The following CNTN5 variants were observed in gnomAD, a reference collection of about 807,000 sequenced individuals.
CNTN5 encodes the protein contactin 5.
A neutral mutation model predicts 129.1 loss-of-function variants in CNTN5; 77 were observed. That is an observed-to-expected ratio of 0.60 (90% CI 0.50 to 0.72). The LOEUF (loss-of-function observed/expected upper bound fraction) is 0.72, where lower values mean the gene tolerates loss of function less well. Among genes scored for constraint, CNTN5 ranks in the 30% least tolerant of loss-of-function variants. The pLI is 0.00. For missense variants in CNTN5, 1,478 were observed against 1,328.8 expected, an observed-to-expected ratio of 1.11 and a Z score of -1.75; for synonymous variants, 509 against 465.6, an observed-to-expected ratio of 1.09 and a Z score of -1.20.
rs2138889426 is a variant in CNTN5, at chr11:100,299,172, AAG to A, written c.2399_2400del (p.Glu800ValfsTer30). The A allele has an allele frequency of 1.2e-6, 2 of 1,601,530 alleles. No homozygotes were observed. Among genetic ancestry groups the A allele is most frequent in the African/African-American group, 2.7e-5 (2 of 74,486 alleles). On this transcript the variant is annotated frameshift_variant, in exon 20 of 25. Transcript: ENST00000524871. LOFTEE classifies it high-confidence loss of function. ...ATTTTTCTTCTTTAGCCAGTATCTG[AAG>A]AGTTTCAGAATGGGGAAGGCTTCGG...
chr11:100,079,325 AG>A lies in CNTN5; in HGVS notation c.1580+5033del, dbSNP rs1413342076. On this transcript the variant is annotated intron_variant, in intron 13 of 24. Coordinates refer to ENST00000524871, the MANE Select transcript of CNTN5 (RefSeq NM_014361.4). ...TTCTCCTTTCTTTCTCCAGTCATTA[AG>A]GAAAAGAATACCTAAGATTTGTTTC... is the stretch of plus-strand genomic sequence containing the variant. Among the ~76,000 whole-genome samples, 9 of 152,292 alleles carry A rather than the reference AG, an allele frequency of 5.9e-5. No individual in the cohort carries two copies. The East Asian group carries it at 1.7e-3, about 29-fold the overall frequency.
At chr11:100,013,913 A>G (rs1202025024) in intron 9 of CNTN5, among the ~76,000 whole-genome samples, 1 of 152,176 alleles carries the variant, frequency 6.6e-6, no homozygotes, top group Non-Finnish European at 1.5e-5. Flanking sequence ...TCTTAAAAGT[A>G]GTATGTGTCT....
chr11:99,865,709 T>G (rs188206373), intron 6 of CNTN5, among the ~76,000 whole-genome samples: 1 of 152,178 alleles, frequency 6.6e-6, no homozygotes, highest in East Asian at 1.9e-4. Context: ...AAGTATAAAC[T>G]AAAAAGTGTT....
Position 99,915,932 on chromosome 11 carries a change from A to T in CNTN5, c.578-122A>T. On this transcript the variant is annotated intron_variant, in intron 6 of 24. Transcript: ENST00000524871. ...AGATATATGTTAAAGCCTTCTTGTC[A>T]CTGATTAACAAACAAAAGACACCTT... The T allele has an allele frequency of 4.2e-6, 3 of 708,038 alleles. No homozygotes were observed. The South Asian group carries it at 5.3e-5, about 13-fold the overall frequency. The allele number at this position is 708,038 out of a possible 1,614,324, so 43.9% of individuals were successfully genotyped here. A position where few individuals can be genotyped will look rare whatever the true frequency, so the allele number is the denominator to read the frequency against.
intron 13 of CNTN5, among the ~76,000 whole-genome samples, chr11:100,131,496 A>G (rs143030224): frequency 1.7e-3 from 264 of 152,182 alleles, no homozygotes; most frequent in African/African-American, 6.0e-3. Flanking sequence ...GAGTTATCCA[A>G]ATGGCTATGT....
intron 13 of CNTN5, among the ~76,000 whole-genome samples, chr11:100,086,854 C>A (rs1944576847): frequency 6.6e-6 from 1 of 151,322 alleles, no homozygotes; most frequent in Admixed American, 6.6e-5. Flanking sequence ...TGGGGAATCT[C>A]AAATATATTC....
In CNTN5 at chr11:99,956,834, G is replaced by A; in HGVS notation, c.702G>A (p.Glu234=). The change falls in exon 8 of 25, where the codon GAG becomes GAA. Residue 234 remains glutamate (E), a synonymous_variant. Coordinates refer to ENST00000524871, the MANE Select transcript of CNTN5 (RefSeq NM_014361.4). ...PEIIYSWVFN[E]FPSFVAEDSR... Reference sequence around the variant, plus strand: ...TCATCTATAGCTGGGTATTTAATGAGTTCCCTTCCTTTGTGGCGGAAGACA... The same window carrying A: ...TCATCTATAGCTGGGTATTTAATGAATTCCCTTCCTTTGTGGCGGAAGACA... The A allele has an allele frequency of 1.9e-6, 3 of 1,613,884 alleles. No individual in the cohort carries two copies. Among genetic ancestry groups the A allele is most frequent in the Non-Finnish European group, 2.5e-6 (3 of 1,179,836 alleles).
chr11:99,544,058 A>T (rs1406814450), intron 2 of CNTN5, among the ~76,000 whole-genome samples: 1 of 152,150 alleles, frequency 6.6e-6, no homozygotes, highest in Non-Finnish European at 1.5e-5. Flanking sequence ...TAATTCATAA[A>T]GAAAGGGGTT....
At chr11:99,321,637 G>A (rs950277549) in intron 1 of CNTN5, among the ~76,000 whole-genome samples, 5 of 151,934 alleles carry the variant, frequency 3.3e-5, no homozygotes, top group Non-Finnish European at 5.9e-5. Context: ...GAAGAGATGT[G>A]GGCAAGAAAG....
At chr11:100,179,461 C>T (rs1948071612) in intron 13 of CNTN5, among the ~76,000 whole-genome samples, 1 of 152,006 alleles carries the variant, frequency 6.6e-6, no homozygotes, top group Admixed American at 6.6e-5. Context: ...TACTGGTACA[C>T]AATAGTATAA....
At chr11:100,222,568 T>C (rs1159856033) in intron 15 of CNTN5, among the ~76,000 whole-genome samples, 1 of 152,002 alleles carries the variant, frequency 6.6e-6, no homozygotes, top group East Asian at 1.9e-4. Flanking sequence ...TTTTCAAAAA[T>C]GTGAGCCTGA....
chr11:99,022,413 T>A (rs1339835662), intron 1 of CNTN5, among the ~76,000 whole-genome samples: 1 of 152,164 alleles, frequency 6.6e-6, no homozygotes, highest in Non-Finnish European at 1.5e-5. Context: ...CTCAGTATTT[T>A]AAAAAATAAT....
intron 4 of CNTN5, among the ~76,000 whole-genome samples, chr11:99,841,898 T>TA (rs1565593312): frequency 1.1e-4 from 6 of 53,182 alleles, no homozygotes; most frequent in African/African-American, 2.4e-4. Context: ...ATATATATAT[T>TA]TTTTTTTTAT....
intron 1 of CNTN5, among the ~76,000 whole-genome samples, chr11:99,099,664 G>A (rs1395025242): frequency 6.6e-6 from 1 of 151,966 alleles, no homozygotes; most frequent in Non-Finnish European, 1.5e-5. Context: ...TCCTAGTTAA[G>A]TTGCCTTGAG....
intron 13 of CNTN5, among the ~76,000 whole-genome samples, chr11:100,180,031 G>T (rs1267559823): frequency 6.6e-6 from 1 of 151,972 alleles, no homozygotes; most frequent in African/African-American, 2.4e-5. Context: ...GATTTGAGGT[G>T]GGGCAGATAC....
At chr11:99,201,664 A>G (rs940421794) in intron 1 of CNTN5, among the ~76,000 whole-genome samples, 2 of 152,136 alleles carry the variant, frequency 1.3e-5, no homozygotes, top group South Asian at 4.1e-4. Context: ...CCTAAAAGTG[A>G]AAAGAGGATG....
intron 6 of CNTN5, among the ~76,000 whole-genome samples, chr11:99,909,967 TAAAA>T (rs77199469): frequency 2.6e-5 from 4 of 151,800 alleles, no homozygotes; most frequent in Non-Finnish European, 4.4e-5. Context: ...ATAATAATAA[TAAAA>T]AAAGAATTGT....
chr11:100,344,326 G>A (rs1450239238), intron 23 of CNTN5, among the ~76,000 whole-genome samples: 2 of 152,128 alleles, frequency 1.3e-5, no homozygotes, highest in African/African-American at 4.8e-5. Context: ...AATAAATGCA[G>A]AGGAAAAAGT....
chr11:99,873,490 T>C (rs534127898), intron 6 of CNTN5, among the ~76,000 whole-genome samples: 175 of 152,024 alleles, frequency 1.2e-3, no homozygotes, highest in African/African-American at 3.9e-3. Flanking sequence ...ATCAAAGAAA[T>C]GCAAATTAAA....
Sources: gnomAD v4.1 joint callset for allele counts (sites outside exome capture counted in the v4.1 genomes callset) on GRCh38, gnomAD v4.1.1 for gene constraint, MANE v1.5 for transcripts, NCBI Gene and HGNC (gene_info 2026-07-23, HGNC 2026-07-21) for gene names.